The following AGL variants were observed in gnomAD, a reference collection of about 807,000 sequenced individuals.
AGL encodes the protein amylo-alpha-1,6-glucosidase and 4-alpha-glucanotransferase, also known as glycogen debranching enzyme.
A neutral mutation model predicts 199.3 loss-of-function variants in AGL; 128 were observed. That is an observed-to-expected ratio of 0.64 (90% CI 0.56 to 0.74). The LOEUF is 0.74. Among genes scored for constraint, AGL ranks in the 30% least tolerant of loss-of-function variants. AGL has a pLI of 0.00. For missense variants in AGL, 1,809 were observed against 1,820.8 expected, an observed-to-expected ratio of 0.99 and a Z score of 0.12; for synonymous variants, 584 against 594.7, an observed-to-expected ratio of 0.98 and a Z score of 0.26.
intron 21 of AGL, among the ~76,000 whole-genome samples, chr1:99,890,650 A>ATAT (rs1553188445): frequency 7.9e-5 from 6 of 76,048 alleles, no homozygotes; most frequent in Admixed American, 1.6e-4. Context: ...AGAAAAAAAA[A>ATAT]ATATATATAT....
chr1:99,870,969 T>C (rs1650947231), intron 7 of AGL, 100 bp downstream of exon 7: 1 of 746,016 alleles, frequency 1.3e-6, no homozygotes, highest in Non-Finnish European at 2.3e-6. Flanking sequence ...AATATGTCAT[T>C]GTATTATATT....
At position 99,884,213 on chromosome 1, in the gene AGL, A is replaced by G. The variant is rs778492877; in HGVS notation, c.2402A>G (p.Asp801Gly). ...KDENSINGTP[D>G]ITVEIREHIQ... ...GAGAATTCAATCAATGGAACACCAG[A>G]TATCACAGTAGAAATTAGAGAACAT... The change falls in exon 18 of 34, where the codon GAT becomes GGT. Residue 801 changes from aspartate (D) to glycine (G), a missense_variant. Asp to Gly is a moderately conservative substitution (Grantham distance 94). Transcript: ENST00000361915. The G allele has an allele frequency of 1.7e-5, 28 of 1,613,272 alleles. No homozygotes were observed. Among genetic ancestry groups the G allele is most frequent in the African/African-American group, 4.0e-5 (3 of 74,914 alleles).
At chr1:99,869,500 A>G (rs567596) in intron 5 of AGL, among the ~76,000 whole-genome samples, 115,443 of 152,148 alleles carry the variant, frequency 0.76, 44,497 homozygotes, top group African/African-American at 0.91. Flanking sequence ...TTCTGAAGAG[A>G]GACTTGGCCA....
Position 99,921,641 on chromosome 1 carries a change from A to G in AGL, c.4589A>G (p.Tyr1530Cys), listed in dbSNP as rs779347901. The G allele has an allele frequency of 6.2e-7, 1 of 1,603,966 alleles. No individual in the cohort carries two copies. The highest frequency in any genetic ancestry group is 1.1e-5 in the South Asian group (1 of 90,812). ...WSIATILETLYDL is the reference protein window; with the variant it reads ...WSIATILETLCDL The stretch of plus-strand genomic sequence containing the variant: ...ATTGCTACTATTCTTGAGACACTTT[A>G]TGATTTATAGTTTATTACAGATATT... Residue 1530 changes from tyrosine (Y) to cysteine (C), a missense_variant, in exon 34 of 34, where the codon TAT (tyrosine) becomes TGT (cysteine). Tyr to Cys is a radical substitution (Grantham distance 194). Transcript: ENST00000361915.
chr1:99,861,629 C>T lies in AGL; in HGVS notation c.209C>T (p.Pro70Leu), dbSNP rs1299427640. The change falls in exon 3 of 34, where the codon CCA becomes CTA. Residue 70 changes from proline (P) to leucine (L), a missense_variant. Pro to Leu is a moderately conservative substitution (Grantham distance 98). Coordinates refer to ENST00000361915, the MANE Select transcript of AGL (RefSeq NM_000642.3). Reference protein sequence around the residue: ...EKFRSLDWENPTEREDDSDKY... With the variant: ...EKFRSLDWENLTEREDDSDKY... ...TTCCGTTCTCTGGATTGGGAAAATC[C>T]AACAGAAAGAGAAGATGATTCTGAT... 6.2e-7 allele frequency: 1 copy of T among 1,613,400 alleles called. No individual in the cohort carries two copies. The highest frequency in any genetic ancestry group is 8.5e-7 in the Non-Finnish European group (1 of 1,179,622).
Position 99,861,587 on chromosome 1 carries a change from C to T in AGL, c.167C>T (p.Thr56Ile). The change falls in exon 3 of 34, where the codon ACA becomes ATA. Residue 56 changes from threonine (T) to isoleucine (I), a missense_variant. Coordinates refer to ENST00000361915, the MANE Select transcript of AGL (RefSeq NM_000642.3). The stretch of plus-strand genomic sequence containing the variant: ...ACAAATTACCCATTTCCTGGAGAAA[C>T]ATTTAATAGAGAAAAATTCCGTTCT... ...VYTNYPFPGE[T>I]FNREKFRSLD... 2 of 1,613,936 alleles carry T rather than the reference C, an allele frequency of 1.2e-6. No individual in the cohort carries two copies. Among genetic ancestry groups the T allele is most frequent in the Non-Finnish European group, 1.7e-6 (2 of 1,179,926 alleles).
rs376675001 is a variant in AGL at position 99,867,125 on chromosome 1, C to T, written c.664+2536C>T. 3.9e-5 allele frequency among the ~76,000 whole-genome samples: 6 copies of T among 152,200 alleles called. No homozygotes were observed. The East Asian group carries it at 1.2e-3, about 29-fold the overall frequency. On this transcript the variant is annotated intron_variant, in intron 5 of 33. Transcript: ENST00000361915. The stretch of plus-strand genomic sequence containing the variant: ...TGAGCCACTGTGCCCAGCCAGTTTT[C>T]TTTTAAAAAAGTATTATCTAGCAGA...
At chr1:99,862,632 A>C (rs980190050) in intron 4 of AGL, among the ~76,000 whole-genome samples, 1 of 152,198 alleles carries the variant, frequency 6.6e-6, no homozygotes, top group Non-Finnish European at 1.5e-5. Flanking sequence ...CAAGAAACTT[A>C]CAGTCATGGC....
intron 27 of AGL, among the ~76,000 whole-genome samples, chr1:99,910,331 G>A (rs930503542): frequency 8.5e-5 from 13 of 152,126 alleles, no homozygotes; most frequent in African/African-American, 3.1e-4. Context: ...TGTAAATCCA[G>A]TTCATTAATT....
At chr1:99,876,421 C>T in intron 10 of AGL, 37 bp from the exon 11 acceptor site, 2 of 1,439,446 alleles carry the variant, frequency 1.4e-6, no homozygotes, top group Non-Finnish European at 1.9e-6. Flanking sequence ...CAAGGAGTTT[C>T]TTTGTATGGA....
chr1:99,860,576 A>G (rs1261018885), intron 2 of AGL, among the ~76,000 whole-genome samples: 1 of 152,168 alleles, frequency 6.6e-6, no homozygotes, highest in Non-Finnish European at 1.5e-5. Flanking sequence ...GCTTATGGCA[A>G]AATATTTGTA....
intron 22 of AGL, 120 bp from the exon 23 acceptor site, chr1:99,891,486 T>C (rs1186898664): frequency 3.2e-5 from 48 of 1,507,330 alleles, no homozygotes; most frequent in Non-Finnish European, 3.5e-5. Context: ...CTTTCAGTTA[T>C]AATAAATGGA....
chr1:99,891,066 A>T (rs1652852745), intron 21 of AGL, among the ~76,000 whole-genome samples, 154 bp from the exon 22 acceptor site: 2 of 152,134 alleles, frequency 1.3e-5, no homozygotes, highest in Admixed American at 1.3e-4. Context: ...CAACTGTATT[A>T]AGCAGTGTTG....
intron 21 of AGL, among the ~76,000 whole-genome samples, chr1:99,888,537 G>A (rs1652634563): frequency 6.6e-6 from 1 of 152,034 alleles, no homozygotes; most frequent in Non-Finnish European, 1.5e-5. Flanking sequence ...GGCCCCAAGT[G>A]GGATTAGGTT....
intron 33 of AGL, among the ~76,000 whole-genome samples, chr1:99,920,796 C>T (rs1340978501): frequency 6.6e-6 from 1 of 152,036 alleles, no homozygotes; most frequent in Non-Finnish European, 1.5e-5. Flanking sequence ...TGAAACATTA[C>T]AGATGTCTGT....
intron 27 of AGL, among the ~76,000 whole-genome samples, chr1:99,905,249 T>C (rs1654179243): frequency 6.6e-6 from 1 of 152,032 alleles, no homozygotes; most frequent in Admixed American, 6.6e-5. Context: ...CCAGCTGGAG[T>C]GCAGTGGCGC....
rs984446465 is a variant in AGL at position 99,923,591 on chromosome 1, T to C, written c.*1940T>C. The C allele has an allele frequency of 1.3e-5, 2 of 152,154 alleles. No individual in the cohort carries two copies. The highest frequency in any genetic ancestry group is 4.8e-5 in the African/African-American group (2 of 41,450). The allele number at this position is 152,154 out of a possible 1,614,324, so 9.4% of individuals were successfully genotyped here. A position where few individuals can be genotyped will look rare whatever the true frequency, so the allele number is the denominator to read the frequency against. On this transcript the variant is annotated 3_prime_UTR_variant, in exon 34 of 34. Coordinates refer to ENST00000361915, the MANE Select transcript of AGL (RefSeq NM_000642.3). Reference sequence around the variant, plus strand: ...ATGAGGAAGATTAATGAAAGAACATTGTTATATTCTGCGTGGTATATTTTA... The same window carrying C: ...ATGAGGAAGATTAATGAAAGAACATCGTTATATTCTGCGTGGTATATTTTA...
At position 99,864,470 on chromosome 1, in the gene AGL, A is replaced by G. The variant is rs2101093877; in HGVS notation, c.545A>G (p.Asn182Ser). 1 of 1,613,876 alleles carries G rather than the reference A, an allele frequency of 6.2e-7. No individual in the cohort carries two copies. Among genetic ancestry groups the G allele is most frequent in the Non-Finnish European group, 8.5e-7 (1 of 1,179,838 alleles). Residue 182 changes from asparagine to serine, a missense_variant, in exon 5 of 34, where the codon AAT becomes AGT. Coordinates refer to ENST00000361915, the MANE Select transcript of AGL (RefSeq NM_000642.3). ...CYSLANQLELNPDFSRPNRKY... is the reference protein window; with the variant it reads ...CYSLANQLELSPDFSRPNRKY... ...TCCCTTGCCAATCAGTTAGAATTAA[A>G]TCCTGACTTTTCAAGACCTAATAGA...
rs577313579 is a variant in AGL at position 99,864,342 on chromosome 1, G to A, written c.461-44G>A. 6 of 1,510,562 alleles carry A rather than the reference G, an allele frequency of 4.0e-6. No individual in the cohort carries two copies. The South Asian group carries it at 6.8e-5, about 17-fold the overall frequency. The allele number at this position is 1,510,562 out of a possible 1,614,324, so 93.6% of individuals were successfully genotyped here. ...ATTTTCTTCATTTTAGGCTGGTTTT[G>A]TTTGTTTGTTTTTACAGTGGTCTTT... On this transcript the variant is annotated intron_variant, in intron 4 of 33. Transcript: ENST00000361915.
Sources: gnomAD v4.1 joint callset for allele counts (sites outside exome capture counted in the v4.1 genomes callset) on GRCh38, gnomAD v4.1.1 for gene constraint, MANE v1.5 for transcripts, NCBI Gene and HGNC (gene_info 2026-07-23, HGNC 2026-07-21) for gene names.